Variants in FAM221A observed in about 807,000 individuals in gnomAD.
FAM221A encodes protein FAM221A.
Under a neutral mutation model 37.6 loss-of-function variants are expected in FAM221A, and 43 were observed. That is an observed-to-expected ratio of 1.15 (90% confidence interval 0.90 to 1.48). The LOEUF (loss-of-function observed/expected upper bound fraction) is 1.48. Among genes scored for constraint, FAM221A ranks in the 40% most tolerant of loss-of-function variants. The probability of loss-of-function intolerance (pLI) is 0.00; values close to 1 mark genes in which losing one functional copy is unlikely to be tolerated. For missense variants in FAM221A, 361 were observed against 361.5 expected, an observed-to-expected ratio of 1.00 and a Z score of 0.01; for synonymous variants, 135 against 132.9, an observed-to-expected ratio of 1.02 and a Z score of -0.11.
At chr7:23,685,807 TA>T (rs1268028585) in intron 2 of FAM221A, among the ~76,000 whole-genome samples, 3 of 152,236 alleles carry the variant, frequency 2.0e-5, no homozygotes, top group Non-Finnish European at 4.4e-5. Flanking sequence ...TGCTCTACTT[TA>T]AATTTTGCTA....
At chr7:23,701,835 C>G (rs1273915111) in intron 6 of FAM221A, among the ~76,000 whole-genome samples, 2 of 152,158 alleles carry the variant, frequency 1.3e-5, no homozygotes, top group Non-Finnish European at 1.5e-5. Context: ...ATTTTAAGCA[C>G]TTGTAATTTT....
chr7:23,681,466 C>A (rs1448222959), intron 1 of FAM221A, among the ~76,000 whole-genome samples: 1 of 152,224 alleles, frequency 6.6e-6, no homozygotes, highest in African/African-American at 2.4e-5. Context: ...CTTTCCCAGG[C>A]TGGAGTGCAG....
intron 4 of FAM221A, chr7:23,692,742 C>G (rs764836198): frequency 2.4e-4 from 240 of 980,938 alleles, no homozygotes; most frequent in Admixed American, 3.1e-4. Flanking sequence ...TTCTCTTTGT[C>G]TAATTCTTTC....
At chr7:23,690,825 C>A (rs1040140607) in intron 3 of FAM221A, among the ~76,000 whole-genome samples, 1 of 152,160 alleles carries the variant, frequency 6.6e-6, no homozygotes, top group Non-Finnish European at 1.5e-5. Context: ...CTTTCTGTTT[C>A]TGGATTTGCC....
chr7:23,699,115 ATTTT>A (rs1185698578), intron 5 of FAM221A, among the ~76,000 whole-genome samples: 1 of 133,254 alleles, frequency 7.5e-6, no homozygotes, highest in Non-Finnish European at 1.6e-5. Flanking sequence ...CAATGCTGGA[ATTTT>A]TTTTTTTTTT....
At position 23,680,215 on chromosome 7, in the gene FAM221A, G is replaced by A. The variant is rs772958917; in HGVS notation, c.-4G>A. On this transcript the variant is annotated 5_prime_UTR_variant, in exon 1 of 7. Coordinates refer to ENST00000344962, the MANE Select transcript of FAM221A (RefSeq NM_199136.5). ...CAGGGAAGCCTTTGGCTTCCCCACC[G>A]GCAATGGAGCGGTTGACGTTGCCTC... is the stretch of plus-strand genomic sequence containing the variant. 1.9e-6 allele frequency: 3 copies of A among 1,549,524 alleles called. No individual in the cohort carries two copies. The highest frequency in any genetic ancestry group is 1.2e-5 in the South Asian group (1 of 83,980).
chr7:23,694,832 G>C (rs1784957873), intron 4 of FAM221A: 1 of 152,086 alleles, frequency 6.6e-6, no homozygotes, highest in Non-Finnish European at 1.5e-5. Flanking sequence ...TAATATTTAT[G>C]ACTTCATTTT....
At chr7:23,687,320 T>C (rs1168703041) in intron 2 of FAM221A, 1 of 152,210 alleles carries the variant, frequency 6.6e-6, no homozygotes, top group African/African-American at 2.4e-5. Flanking sequence ...GTTCTTCCTT[T>C]CGCTTTAACC....
chr7:23,691,261 C>T (rs147487961), intron 3 of FAM221A, 129 bp from the exon 4 acceptor site: 12 of 728,690 alleles, frequency 1.6e-5, no homozygotes, highest in Admixed American at 9.6e-5. Context: ...GGAAGGAGTT[C>T]GGTGGCTGGA....
At chr7:23,690,195 A>ATTT (rs1218214025) in intron 3 of FAM221A, among the ~76,000 whole-genome samples, 130 of 38,686 alleles carry the variant, frequency 3.4e-3, no homozygotes, top group South Asian at 0.01. Context: ...ATATATATAT[A>ATTT]TATATTTTTT....
intron 5 of FAM221A, among the ~76,000 whole-genome samples, chr7:23,699,769 T>C (rs1785295370): frequency 6.6e-6 from 1 of 152,020 alleles, no homozygotes; most frequent in African/African-American, 2.4e-5. Context: ...CTCGAACTCT[T>C]GAGTTCAAGC....
In FAM221A at chr7:23,700,857, T is replaced by C. The variant is rs1031666621; in HGVS notation, c.817T>C (p.Tyr273His). The C allele has an allele frequency of 4.4e-6, 7 of 1,607,984 alleles. No individual in the cohort carries two copies. The highest frequency in any genetic ancestry group is 5.9e-6 in the Non-Finnish European group (7 of 1,177,638). The change falls in exon 6 of 7, where the codon TAC (tyrosine) becomes CAC (histidine). Residue 273 changes from tyrosine to histidine, a missense_variant. Coordinates refer to ENST00000344962, the MANE Select transcript of FAM221A (RefSeq NM_199136.5). ...EDDMAFFERR[Y>H]QERMKMEKAA... ...TGATATGGCTTTCTTTGAAAGACGA[T>C]ACCAGGAAAGGGTAGGTTTTTGAGG...
intron 1 of FAM221A, among the ~76,000 whole-genome samples, chr7:23,683,005 T>G (rs191759800): frequency 6.6e-6 from 1 of 152,324 alleles, no homozygotes; most frequent in African/African-American, 2.4e-5. Flanking sequence ...ATTTCATAGC[T>G]TATAAATTGG....
rs1383182668 is a variant in FAM221A, at chr7:23,680,258, G to A, written c.40G>A (p.Val14Met). 6 of 1,548,926 alleles carry A rather than the reference G, an allele frequency of 3.9e-6. 1 individual carries two copies. The South Asian group carries it at 6.0e-5, about 15-fold the overall frequency. ...GTTGCCTCTCGGCGGCGCGGCGGCG[G>A]TGGACGAGTACCTGGAGTACCGGAG... is the stretch of plus-strand genomic sequence containing the variant. ...LTLPLGGAAA[V>M]DEYLEYRRIV... The change falls in exon 1 of 7, where the codon GTG becomes ATG. Residue 14 changes from valine to methionine, a missense_variant. Transcript: ENST00000344962.
At chr7:23,684,824 C>G in intron 2 of FAM221A, 152 bp downstream of exon 2, 1 of 787,212 alleles carries the variant, frequency 1.3e-6, no homozygotes, top group Non-Finnish European at 1.9e-6. Flanking sequence ...TGGCTCACAT[C>G]TGTGTTATCC....
intron 6 of FAM221A, among the ~76,000 whole-genome samples, chr7:23,701,308 C>G (rs1163806999): frequency 7.0e-6 from 1 of 142,726 alleles, no homozygotes; most frequent in Non-Finnish European, 1.5e-5. Context: ...GGCGCGATCT[C>G]GGCTCACTGC....
At chr7:23,680,397 C>A in intron 1 of FAM221A, 114 bp downstream of exon 1, 1 of 781,446 alleles carries the variant, frequency 1.3e-6, no homozygotes, top group Non-Finnish European at 2.0e-6. Flanking sequence ...GGAATCTGTG[C>A]CTGGGCTGTT....
chr7:23,685,548 T>C (rs1162738343), intron 2 of FAM221A, among the ~76,000 whole-genome samples: 2 of 152,208 alleles, frequency 1.3e-5, no homozygotes, highest in African/African-American at 4.8e-5. Flanking sequence ...CTTTAAGCGT[T>C]GCTTGAATTG....
intron 4 of FAM221A, chr7:23,694,518 A>G (rs1784935846): frequency 6.6e-6 from 1 of 152,220 alleles, no homozygotes; most frequent in Non-Finnish European, 1.5e-5. Context: ...ACCAGTGTCA[A>G]AACATAATGA....
Sources: allele counts gnomAD v4.1 joint callset (sites outside exome capture counted in the v4.1 genomes callset), GRCh38; gene constraint gnomAD v4.1.1; transcripts MANE v1.5; gene names NCBI Gene and HGNC (gene_info 2026-07-23, HGNC 2026-07-21).